The following VWA8 variants were observed in gnomAD, a reference collection of about 807,000 sequenced individuals.
VWA8 encodes the protein von Willebrand factor A domain-containing protein 8.
A neutral mutation model predicts 241.5 loss-of-function variants in VWA8; 221 were observed. The ratio of observed to expected loss-of-function variants is 0.91; its 90% CI spans 0.82 to 1.02. The LOEUF is 1.02. Ranked by LOEUF, VWA8 falls within the 50% of genes least tolerant of loss-of-function variation. The pLI is 0.00. For missense variants in VWA8, 2,322 were observed against 2,328.7 expected, an observed-to-expected ratio of 1.00 and a Z score of 0.06; for synonymous variants, 852 against 827.1, an observed-to-expected ratio of 1.03 and a Z score of -0.52.
At chr13:41,906,547 A>G (rs1213918127) in intron 4 of VWA8, among the ~76,000 whole-genome samples, 1 of 152,130 alleles carries the variant, frequency 6.6e-6, no homozygotes, top group Non-Finnish European at 1.5e-5. Flanking sequence ...ATTCTTTTTA[A>G]TAACTAAAGA....
At chr13:41,761,304 C>G in intron 20 of VWA8, 100 bp from the exon 21 acceptor site, 1 of 1,123,358 alleles carries the variant, frequency 8.9e-7, no homozygotes, top group South Asian at 1.4e-5. Context: ...GCTTTCTCAC[C>G]TTGTTACTGT....
In VWA8 at chr13:41,648,755, C is replaced by T. The variant is rs902820835; in HGVS notation, c.4611+22191G>A. Among the ~76,000 whole-genome samples, 3 of 152,208 alleles carry T rather than the reference C, an allele frequency of 2.0e-5. No homozygotes were observed. The East Asian group carries it at 5.8e-4, about 29-fold the overall frequency. ...ATAGCAACAATAACACATAGAAGCA[C>T]GGTACTGCTAAAGGCAATTAATGTC... On this transcript the variant is annotated intron_variant, in intron 37 of 44. Coordinates refer to ENST00000379310, the MANE Select transcript of VWA8 (RefSeq NM_015058.2).
chr13:41,951,543 C>G (rs951176142), intron 1 of VWA8, among the ~76,000 whole-genome samples: 2 of 152,176 alleles, frequency 1.3e-5, no homozygotes, highest in African/African-American at 4.8e-5. Flanking sequence ...TCTTCTAAAG[C>G]CGAGGACTAA....
intron 29 of VWA8, among the ~76,000 whole-genome samples, chr13:41,698,589 C>T (rs2045229465): frequency 6.6e-6 from 1 of 152,156 alleles, no homozygotes; most frequent in Non-Finnish European, 1.5e-5. Context: ...CAAAAAACGT[C>T]ATTCGGGTCT....
chr13:41,868,540 G>A (rs1311757420), intron 9 of VWA8, 63 bp from the exon 10 acceptor site: 1 of 1,521,628 alleles, frequency 6.6e-7, no homozygotes, highest in Non-Finnish European at 8.9e-7. Flanking sequence ...TTGGCTATCT[G>A]ACAGATTACA....
intron 12 of VWA8, among the ~76,000 whole-genome samples, chr13:41,848,333 A>T (rs182189522): frequency 6.6e-6 from 1 of 152,344 alleles, no homozygotes; most frequent in Non-Finnish European, 1.5e-5. Flanking sequence ...CACTTGAAGC[A>T]ACATAGAAAA....
At chr13:41,945,470 G>A (rs1320843783) in intron 2 of VWA8, among the ~76,000 whole-genome samples, 1 of 151,994 alleles carries the variant, frequency 6.6e-6, no homozygotes, top group African/African-American at 2.4e-5. Context: ...TGACTAAGTA[G>A]AAAAACACTT....
intron 2 of VWA8, chr13:41,926,299 T>C: frequency 1.6e-6 from 1 of 614,862 alleles, no homozygotes; most frequent in Non-Finnish European, 3.1e-6. Context: ...GACTTGATAC[T>C]AAATGATTTT....
intron 14 of VWA8, among the ~76,000 whole-genome samples, chr13:41,830,316 T>A (rs58612376): frequency 0.093 from 13,714 of 146,852 alleles, 806 homozygotes; most frequent in African/African-American, 0.18. Flanking sequence ...GTTTTTTTTT[T>A]TAAAAAAAAA....
intron 29 of VWA8, among the ~76,000 whole-genome samples, chr13:41,698,405 G>C (rs2045228442): frequency 6.6e-6 from 1 of 151,996 alleles, no homozygotes; most frequent in Admixed American, 6.6e-5. Context: ...TCTGTCTTCT[G>C]ATATATGTGT....
intron 37 of VWA8, among the ~76,000 whole-genome samples, chr13:41,666,632 AC>A (rs573243460): frequency 1.3e-5 from 2 of 152,086 alleles, no homozygotes. Context: ...AAACTTAACA[AC>A]CCCCCAGTCT....
chr13:41,686,022 T>A (rs2045133950), intron 34 of VWA8, among the ~76,000 whole-genome samples: 1 of 152,170 alleles, frequency 6.6e-6, no homozygotes, highest in African/African-American at 2.4e-5. Context: ...TGGTATGAAG[T>A]GGGGATCTGC....
intron 9 of VWA8, among the ~76,000 whole-genome samples, chr13:41,881,433 G>C (rs567070462): frequency 1.4e-4 from 16 of 111,546 alleles, no homozygotes; most frequent in Admixed American, 3.5e-4. Flanking sequence ...TCTTAGTACA[G>C]AACAAAATGA....
At chr13:41,903,966 A>C (rs1375866765) in intron 4 of VWA8, among the ~76,000 whole-genome samples, 1 of 152,246 alleles carries the variant, frequency 6.6e-6, no homozygotes, top group South Asian at 2.1e-4. Flanking sequence ...CGAAGGTATC[A>C]GTGGGATTAG....
intron 26 of VWA8, among the ~76,000 whole-genome samples, chr13:41,717,571 C>G (rs2045355652): frequency 6.6e-6 from 1 of 152,008 alleles, no homozygotes. Context: ...TCTCTAAGTA[C>G]AAGGCTGATA....
chr13:41,752,757 T>G (rs901725178), intron 21 of VWA8, among the ~76,000 whole-genome samples: 3 of 152,152 alleles, frequency 2.0e-5, no homozygotes, highest in African/African-American at 7.2e-5. Flanking sequence ...GACACTGTGG[T>G]TGGCCCATTG....
intron 9 of VWA8, among the ~76,000 whole-genome samples, chr13:41,874,120 G>T (rs1873780751): frequency 1.3e-5 from 2 of 151,336 alleles, no homozygotes; most frequent in African/African-American, 4.9e-5. Context: ...AAAGGCCTTT[G>T]ACAAAATTCA....
intron 37 of VWA8, among the ~76,000 whole-genome samples, chr13:41,631,519 T>C (rs953281756): frequency 6.6e-6 from 1 of 151,470 alleles, no homozygotes; most frequent in African/African-American, 2.5e-5. Flanking sequence ...CCTCTCTTCT[T>C]ACTTCCTGGT....
chr13:41,576,962 G>A (rs144757895), intron 42 of VWA8, among the ~76,000 whole-genome samples: 5 of 152,314 alleles, frequency 3.3e-5, no homozygotes, highest in Middle Eastern at 3.4e-3. Flanking sequence ...ACACTCCATC[G>A]CTCCATCATA....
Sources: gnomAD v4.1 joint callset for allele counts (sites outside exome capture counted in the v4.1 genomes callset) on GRCh38, gnomAD v4.1.1 for gene constraint, MANE v1.5 for transcripts, NCBI Gene and HGNC (gene_info 2026-07-23, HGNC 2026-07-21) for gene names.